The following WWOX variants were observed in gnomAD, a reference collection of about 807,000 sequenced individuals.
WWOX encodes the protein WW domain-containing oxidoreductase.
WWOX carries 69 observed loss-of-function variants against 46.2 expected under a neutral mutation model. The observed-to-expected ratio is 1.49, with a 90% CI of 1.23 to 1.82. The LOEUF (loss-of-function observed/expected upper bound fraction) is 1.82, where lower values mean the gene tolerates loss of function less well. WWOX is among the 40% of genes most tolerant of loss of function. The pLI is 0.00. For synonymous variants in WWOX, 359 were observed against 202.6 expected (o/e 1.77, Z -6.56); for missense variants, 919 against 542.6 (o/e 1.69, Z -6.89).
At chr16:78,845,730 C>G (rs1306772427) in intron 8 of WWOX, among the ~76,000 whole-genome samples, 1 of 152,048 alleles carries the variant, frequency 6.6e-6, no homozygotes, top group Admixed American at 6.5e-5. Flanking sequence ...TTTTAAGTGA[C>G]AAAATGGTTG....
At chr16:78,246,442 A>G (rs111732668) in intron 5 of WWOX, among the ~76,000 whole-genome samples, 47 of 152,336 alleles carry the variant, frequency 3.1e-4, no homozygotes, top group African/African-American at 1.1e-3. Flanking sequence ...TTCTTTAAAG[A>G]AGAGGGGGGA....
intron 5 of WWOX, among the ~76,000 whole-genome samples, chr16:78,364,050 C>T (rs75441700): frequency 0.014 from 2,081 of 152,320 alleles, 43 homozygotes; most frequent in African/African-American, 0.047. Context: ...CACATCCCCC[C>T]ACTCAGTCTT....
At chr16:78,581,124 T>C (rs2045041694) in intron 8 of WWOX, among the ~76,000 whole-genome samples, 1 of 152,176 alleles carries the variant, frequency 6.6e-6, no homozygotes, top group Admixed American at 6.5e-5. Flanking sequence ...TTGTTGTATA[T>C]CCTTAATGCG....
Position 78,943,904 on chromosome 16 carries a change from G to A in WWOX, c.1057-267704G>A, listed in dbSNP as rs117602217. On this transcript the variant is annotated intron_variant, in intron 8 of 8. Coordinates refer to ENST00000566780, the MANE Select transcript of WWOX (RefSeq NM_016373.4). ...CCCTGAGATGAAGCAGCAGCCACAG[G>A]AACCCATCATTCCTGCTACCCAAGG... is the stretch of plus-strand genomic sequence containing the variant. 3.7e-4 allele frequency among the ~76,000 whole-genome samples: 57 copies of A among 152,266 alleles called. 1 individual carries two copies. The East Asian group carries it at 0.01, about 27-fold the overall frequency.
chr16:78,326,964 G>C (rs970301134), intron 5 of WWOX, among the ~76,000 whole-genome samples: 1 of 152,088 alleles, frequency 6.6e-6, no homozygotes, highest in South Asian at 2.1e-4. Context: ...TTCTCTTGCT[G>C]CTTTTTCTGA....
chr16:78,847,833 C>G (rs78788905), intron 8 of WWOX, among the ~76,000 whole-genome samples: 6,619 of 152,118 alleles, frequency 0.044, 179 homozygotes, highest in Non-Finnish European at 0.063. Context: ...AACACCTGTC[C>G]TGTATGACTG....
chr16:78,344,412 A>G lies in WWOX; in HGVS notation c.517-42448A>G, dbSNP rs1420087639. ...TCTAGCTCCCAATGTCCATTTTCAAATGATTTCCAGCAAGGAAGATGGAAT... is the reference window on the plus strand; with the variant it reads ...TCTAGCTCCCAATGTCCATTTTCAAGTGATTTCCAGCAAGGAAGATGGAAT... On this transcript the variant is annotated intron_variant, in intron 5 of 8. Coordinates refer to ENST00000566780, the MANE Select transcript of WWOX (RefSeq NM_016373.4). 1.6e-5 allele frequency among the ~76,000 whole-genome samples: 2 copies of G among 121,628 alleles called. 1 individual carries two copies. The highest frequency in any genetic ancestry group is 3.9e-5 in the Non-Finnish European group (2 of 50,854). 79.8% of individuals were successfully genotyped at this position (121,628 alleles called of 152,430 possible).
chr16:78,991,874 G>A (rs1651062832), intron 8 of WWOX, among the ~76,000 whole-genome samples: 1 of 152,102 alleles, frequency 6.6e-6, no homozygotes, highest in African/African-American at 2.4e-5. Context: ...GGGCCCTGTG[G>A]TCTTGCGATC....
intron 8 of WWOX, among the ~76,000 whole-genome samples, chr16:78,536,374 C>T (rs770859733): frequency 5.0e-4 from 76 of 151,750 alleles, no homozygotes; most frequent in Non-Finnish European, 1.1e-3. Flanking sequence ...AAGCTGCGAG[C>T]TGTGGGGCAT....
intron 8 of WWOX, among the ~76,000 whole-genome samples, chr16:78,611,453 G>A (rs762714750): frequency 8.5e-5 from 13 of 152,160 alleles, no homozygotes; most frequent in Non-Finnish European, 1.0e-4. Flanking sequence ...TGTGTGAAAT[G>A]AGCCTGGTCA....
intron 8 of WWOX, among the ~76,000 whole-genome samples, chr16:78,740,654 G>A (rs1485524290): frequency 6.6e-6 from 1 of 152,084 alleles, no homozygotes; most frequent in Non-Finnish European, 1.5e-5. Flanking sequence ...AATTGATTTG[G>A]CAAAAAGGTT....
chr16:79,005,001 G>T (rs535400626), intron 8 of WWOX, among the ~76,000 whole-genome samples: 1 of 152,264 alleles, frequency 6.6e-6, no homozygotes, highest in East Asian at 1.9e-4. Flanking sequence ...AAATGAAAAA[G>T]GGGAAGGGAG....
intron 8 of WWOX, among the ~76,000 whole-genome samples, chr16:79,210,130 C>T (rs1009910041): frequency 3.9e-5 from 6 of 152,176 alleles, no homozygotes; most frequent in African/African-American, 1.4e-4. Flanking sequence ...GTCTCACTCA[C>T]GGTCCACACC....
intron 6 of WWOX, among the ~76,000 whole-genome samples, chr16:78,418,736 T>G (rs1049892958): frequency 6.6e-6 from 1 of 152,074 alleles, no homozygotes; most frequent in African/African-American, 2.4e-5. Context: ...TTTAAAAAGG[T>G]CCAGCACGCT....
At chr16:78,843,062 G>A (rs968754278) in intron 8 of WWOX, among the ~76,000 whole-genome samples, 1 of 149,762 alleles carries the variant, frequency 6.7e-6, no homozygotes, top group African/African-American at 2.4e-5. Flanking sequence ...CTAATGTTTG[G>A]GTCTTTGCTT....
intron 8 of WWOX, among the ~76,000 whole-genome samples, chr16:79,208,584 G>A (rs1282550166): frequency 2.0e-5 from 3 of 152,002 alleles, no homozygotes; most frequent in Admixed American, 6.5e-5. Context: ...TGCCCCAAAA[G>A]GTGGTATGAA....
chr16:79,055,185 G>A (rs1010596018), intron 8 of WWOX, among the ~76,000 whole-genome samples: 9 of 152,172 alleles, frequency 5.9e-5, no homozygotes, highest in Admixed American at 3.9e-4. Context: ...AAAGCAAACA[G>A]TAACAGTGAT....
At chr16:78,365,751 T>C (rs1350013794) in intron 5 of WWOX, among the ~76,000 whole-genome samples, 1 of 152,162 alleles carries the variant, frequency 6.6e-6, no homozygotes, top group South Asian at 2.1e-4. Flanking sequence ...TTTTTTGTTC[T>C]TTTGTTTTTT....
At chr16:79,179,165 T>C (rs2050860212) in intron 8 of WWOX, among the ~76,000 whole-genome samples, 1 of 152,170 alleles carries the variant, frequency 6.6e-6, no homozygotes, top group Non-Finnish European at 1.5e-5. Flanking sequence ...AGGGACATAA[T>C]TAAAAGTCCT....
Sources: allele counts gnomAD v4.1 joint callset (sites outside exome capture counted in the v4.1 genomes callset), GRCh38; gene constraint gnomAD v4.1.1; transcripts MANE v1.5; gene names NCBI Gene and HGNC (gene_info 2026-07-23, HGNC 2026-07-21).